The following SCNN1A variants were observed in gnomAD, a reference collection of about 807,000 sequenced individuals.
The protein encoded by SCNN1A is epithelial sodium channel subunit alpha.
In SCNN1A, 65 loss-of-function variants were observed where a neutral mutation model predicts 68.6. The ratio of observed to expected loss-of-function variants is 0.95; its 90% CI spans 0.78 to 1.16. SCNN1A has a LOEUF of 1.16. SCNN1A is among the 50% of genes most tolerant of loss of function. The pLI, the probability that SCNN1A is intolerant of heterozygous loss-of-function variation, is 0.00. For missense variants in SCNN1A, 880 were observed against 865.9 expected, an observed-to-expected ratio of 1.02 and a Z score of -0.20; for synonymous variants, 357 against 353.3, an observed-to-expected ratio of 1.01 and a Z score of -0.12.
Position 6,351,654 on chromosome 12 carries a change from G to C in SCNN1A, c.1361-2249C>G, listed in dbSNP as rs1592062686. The stretch of plus-strand genomic sequence containing the variant: ...GAAGAAAAAAAAAAAAAAAGATTCA[G>C]AATAGGCAAATCCATAGAGAGAGAA... On this transcript the variant is annotated intron_variant, in intron 8 of 12. Coordinates refer to ENST00000228916, the MANE Select transcript of SCNN1A (RefSeq NM_001038.6). The surrounding 1 kb of genome is among the most constrained non-coding windows in gnomAD (Gnocchi z 4.2). 6.6e-6 allele frequency among the ~76,000 whole-genome samples: 1 copy of C among 151,684 alleles called. No individual in the cohort carries two copies. The highest frequency in any genetic ancestry group is 6.6e-5 in the Admixed American group (1 of 15,216).
At chr12:6,376,022 C>T, upstream of SCNN1A, 4 of 997,710 alleles carry the variant, frequency 4.0e-6, no homozygotes, top group Middle Eastern at 5.0e-4. Flanking sequence ...GAGTCTGTCT[C>T]CAGGAAGGAG....
At chr12:6,352,701 C>T (rs1279803385) in intron 8 of SCNN1A, among the ~76,000 whole-genome samples, 1 of 152,224 alleles carries the variant, frequency 6.6e-6, no homozygotes, top group East Asian at 1.9e-4. Context: ...GGGTTTCCCC[C>T]AGTTCTGATG....
At chr12:6,353,165 C>A (rs142799997) in intron 8 of SCNN1A, among the ~76,000 whole-genome samples, 2 of 152,244 alleles carry the variant, frequency 1.3e-5, no homozygotes, top group African/African-American at 4.8e-5. Context: ...TTTGTCTAGT[C>A]CTATACCAGG....
At chr12:6,373,462 T>C (rs1184722269) in intron 2 of SCNN1A, among the ~76,000 whole-genome samples, 2 of 152,238 alleles carry the variant, frequency 1.3e-5, no homozygotes, top group Non-Finnish European at 2.9e-5. Context: ...AAAGGGCTTA[T>C]GAATTATTCA....
In SCNN1A at chr12:6,348,019, TG is replaced by T; in HGVS notation, c.1863del (p.Met622CysfsTer16). ...SSPPSHFCPH[P>X]MSLSLSQPGP... is the part of the protein sequence containing the mutation. ...CCTGGCTGGGACAAGGACAGAGACATGGGGTGGGGGCAGAAGTGGGAAGGAG... is the reference window on the plus strand; with the variant it reads ...CCTGGCTGGGACAAGGACAGAGACATGGGTGGGGGCAGAAGTGGGAAGGAG... On this transcript the variant is annotated frameshift_variant, in exon 13 of 13. Coordinates refer to ENST00000228916, the MANE Select transcript of SCNN1A (RefSeq NM_001038.6). LOFTEE classifies it low-confidence loss of function (END_TRUNC). 6.3e-7 allele frequency: 1 copy of T among 1,596,914 alleles called. No individual in the cohort carries two copies. The highest frequency in any genetic ancestry group is 1.1e-5 in the South Asian group (1 of 89,348).
chr12:6,354,307 A>G (rs1259388800), intron 8 of SCNN1A, 131 bp downstream of exon 8: 1 of 720,436 alleles, frequency 1.4e-6, no homozygotes, highest in East Asian at 2.5e-5. Flanking sequence ...CTGAAAAACA[A>G]GAGCAAGGAA....
chr12:6,355,571 A>AC, intron 5 of SCNN1A, 136 bp from the exon 6 acceptor site: 1 of 1,115,766 alleles, frequency 9.0e-7, no homozygotes, highest in Non-Finnish European at 1.3e-6. Context: ...CCGCAAAGGG[A>AC]CCTGGCAACC....
intron 2 of SCNN1A, among the ~76,000 whole-genome samples, chr12:6,370,798 C>T (rs1219536981): frequency 6.6e-6 from 1 of 152,216 alleles, no homozygotes; most frequent in Non-Finnish European, 1.5e-5. Flanking sequence ...TTCACCCACT[C>T]CTGGCCTCCT....
In SCNN1A at chr12:6,347,518, G is replaced by T; in HGVS notation, c.*355C>A. ...CATGCCTGCGTGTACCCTTGGTTGT[G>T]TTTTGTCCTGGTTATCAGCGGTTTC... On this transcript the variant is annotated 3_prime_UTR_variant, in exon 13 of 13. Coordinates refer to ENST00000228916, the MANE Select transcript of SCNN1A (RefSeq NM_001038.6). 1 of 333,692 alleles carries T rather than the reference G, an allele frequency of 3.0e-6. No homozygotes were observed. The highest frequency in any genetic ancestry group is 6.3e-5 in the East Asian group (1 of 15,774). The allele number at this position is 333,692 out of a possible 1,614,324, so 20.7% of individuals were successfully genotyped here.
intron 4 of SCNN1A, among the ~76,000 whole-genome samples, chr12:6,357,546 ACT>A (rs1352097954): frequency 2.1e-5 from 3 of 140,956 alleles, no homozygotes; most frequent in African/African-American, 9.5e-5. Context: ...CTACAGCGAG[ACT>A]CTGTCTCAAA....
intron 10 of SCNN1A, 78 bp from the exon 11 acceptor site, chr12:6,349,083 C>G (rs1948321306): frequency 1.2e-6 from 2 of 1,601,758 alleles, no homozygotes; most frequent in Non-Finnish European, 1.7e-6. Flanking sequence ...GTCAAACACA[C>G]TCATACACAT....
chr12:6,365,968 C>T (rs970188077), intron 2 of SCNN1A, among the ~76,000 whole-genome samples: 1 of 147,786 alleles, frequency 6.8e-6, no homozygotes, highest in African/African-American at 2.4e-5. Context: ...CATTCTCCTG[C>T]CTCAGCCTCC....
intron 4 of SCNN1A, among the ~76,000 whole-genome samples, chr12:6,360,022 C>T (rs940204181): frequency 1.3e-5 from 2 of 152,170 alleles, no homozygotes; most frequent in African/African-American, 2.4e-5. Context: ...CCGCCCATCT[C>T]GGTCTCCCAA....
In SCNN1A at chr12:6,374,466, G is replaced by A. The variant is rs148261445; in HGVS notation, c.318C>T (p.Phe106=). ...GMMYWQFGLL[F]GEYFSYPVSL... is the part of the protein sequence containing the mutation. ...TGACGGGGTAGCTGAAGTACTCTCC[G>A]AAAAGCAGGCCGAATTGCCAGTACA... Residue 106 remains phenylalanine, a synonymous_variant, in exon 2 of 13, where the codon TTC becomes TTT. Transcript: ENST00000228916. The surrounding 1 kb of genome is among the most constrained non-coding windows in gnomAD (Gnocchi z 6.2). The A allele has an allele frequency of 3.7e-6, 6 of 1,614,248 alleles. No individual in the cohort carries two copies. The highest frequency in any genetic ancestry group is 2.7e-5 in the African/African-American group (2 of 75,068).
At chr12:6,361,425 G>A (rs1184660951) in intron 4 of SCNN1A, among the ~76,000 whole-genome samples, 2 of 152,146 alleles carry the variant, frequency 1.3e-5, no homozygotes, top group Non-Finnish European at 2.9e-5. Flanking sequence ...TTTGATGCTA[G>A]GGAGAAAGGG....
chr12:6,348,799 A>C lies in SCNN1A; in HGVS notation c.1557T>G (p.Asn519Lys), dbSNP rs1948314072. The change falls in exon 12 of 13, where the codon AAT becomes AAG. Residue 519 changes from asparagine (N) to lysine (K), a missense_variant. This residue lies in a region of SCNN1A where 758 missense variants were observed against 721.8 expected (regional missense o/e 1.05). Coordinates refer to ENST00000228916, the MANE Select transcript of SCNN1A (RefSeq NM_001038.6). ...AGAAGATGTTGACTTTGGCCACTCC[A>C]TTTCTTAGGTGTGGGGCAGAGGGTG... ...QNNYTVNNKRNGVAKVNIFFK... is the reference protein window; with the variant it reads ...QNNYTVNNKRKGVAKVNIFFK... The C allele has an allele frequency of 4.3e-6, 7 of 1,613,550 alleles. No individual in the cohort carries two copies. Among genetic ancestry groups the C allele is most frequent in the Non-Finnish European group, 4.2e-6 (5 of 1,179,774 alleles).
intron 2 of SCNN1A, among the ~76,000 whole-genome samples, chr12:6,369,563 T>G (rs2136901014): frequency 6.6e-6 from 1 of 152,254 alleles, no homozygotes; most frequent in East Asian, 1.9e-4. Flanking sequence ...CCGGGCGCGG[T>G]GGCTCACGCC....
intron 2 of SCNN1A, 152 bp from the exon 3 acceptor site, chr12:6,363,862 T>G: frequency 1.7e-6 from 1 of 589,650 alleles, no homozygotes; most frequent in Non-Finnish European, 2.7e-6. Flanking sequence ...CTCCTGGCCG[T>G]CCGGCGGTGA....
At chr12:6,361,597 G>T (rs1948579871) in intron 4 of SCNN1A, among the ~76,000 whole-genome samples, 1 of 152,144 alleles carries the variant, frequency 6.6e-6, no homozygotes, top group Non-Finnish European at 1.5e-5. Context: ...AAAAAAATTA[G>T]CCAGGCGTGG....
Sources: allele counts gnomAD v4.1 joint callset (sites outside exome capture counted in the v4.1 genomes callset), GRCh38; gene constraint gnomAD v4.1.1; regional missense constraint gnomAD v4.1.1; non-coding constraint Gnocchi (gnomAD v3.1); transcripts MANE v1.5; gene names NCBI Gene and HGNC (gene_info 2026-07-23, HGNC 2026-07-21).